Variants in RGS22 observed in about 807,000 individuals in gnomAD.
The protein encoded by RGS22 is regulator of G-protein signaling 22.
A neutral mutation model predicts 172.9 loss-of-function variants in RGS22; 148 were observed. The ratio of observed to expected loss-of-function variants is 0.86; its 90% CI spans 0.75 to 0.98. The LOEUF (loss-of-function observed/expected upper bound fraction) is 0.98. RGS22 is among the 50% of genes least tolerant of loss of function. The pLI is 0.00. For synonymous variants in RGS22, 458 were observed against 480.2 expected, an observed-to-expected ratio of 0.95 and a Z score of 0.60; for missense variants, 1,347 against 1,440.8, an observed-to-expected ratio of 0.93 and a Z score of 1.05.
At chr8:99,971,984 A>G (rs1330147107) in intron 23 of RGS22, among the ~76,000 whole-genome samples, 1 of 152,204 alleles carries the variant, frequency 6.6e-6, no homozygotes, top group Non-Finnish European at 1.5e-5. Flanking sequence ...GCATCACACT[A>G]CCTGACTTCA....
At chr8:100,032,618 G>C (rs895237106) in intron 14 of RGS22, among the ~76,000 whole-genome samples, 1 of 152,016 alleles carries the variant, frequency 6.6e-6, no homozygotes, top group Non-Finnish European at 1.5e-5. Context: ...TGAGACAGAA[G>C]GTTAACAAAG....
intron 2 of RGS22, among the ~76,000 whole-genome samples, chr8:100,101,164 C>T (rs1031363562): frequency 1.3e-5 from 2 of 152,096 alleles, no homozygotes; most frequent in African/African-American, 2.4e-5. Context: ...CTTAAATCTT[C>T]GCTATTAATG....
chr8:100,062,506 G>A (rs1316309364), intron 9 of RGS22, 85 bp downstream of exon 9: 1 of 852,718 alleles, frequency 1.2e-6, no homozygotes, highest in Admixed American at 2.7e-5. Context: ...GTTTCCATAA[G>A]TTATATATCC....
At chr8:100,079,251 T>C (rs1032790751) in intron 4 of RGS22, among the ~76,000 whole-genome samples, 3 of 152,358 alleles carry the variant, frequency 2.0e-5, no homozygotes, top group South Asian at 2.1e-4. Context: ...AGAATATATA[T>C]CCTTGTTCTG....
At chr8:100,091,011 A>T (rs1812534132) in intron 3 of RGS22, among the ~76,000 whole-genome samples, 1 of 152,158 alleles carries the variant, frequency 6.6e-6, no homozygotes, top group Non-Finnish European at 1.5e-5. Context: ...ATACCAGTCT[A>T]TAACTATCCA....
chr8:99,976,454 C>T (rs903440908), intron 23 of RGS22, among the ~76,000 whole-genome samples: 33 of 152,162 alleles, frequency 2.2e-4, no homozygotes, highest in African/African-American at 7.7e-4. Context: ...CTCCGCCTCC[C>T]GGGTTCACGC....
intron 4 of RGS22, among the ~76,000 whole-genome samples, chr8:100,075,839 G>C (rs557970668): frequency 3.3e-5 from 5 of 152,260 alleles, no homozygotes; most frequent in African/African-American, 1.2e-4. Flanking sequence ...TACAATTGCA[G>C]CAGCAGTGTA....
chr8:99,983,629 C>A (rs1356380250), intron 21 of RGS22, among the ~76,000 whole-genome samples: 4 of 152,066 alleles, frequency 2.6e-5, no homozygotes, highest in Non-Finnish European at 5.9e-5. Flanking sequence ...ATGTCCTTTG[C>A]CCAAAATGAG....
At chr8:99,964,269 A>G (rs1326411025) in intron 24 of RGS22, among the ~76,000 whole-genome samples, 1 of 152,126 alleles carries the variant, frequency 6.6e-6, no homozygotes, top group East Asian at 1.9e-4. Flanking sequence ...CCTGGGCAAC[A>G]TGGCGAAACC....
At position 100,063,810 on chromosome 8, in the gene RGS22, T is replaced by C; in HGVS notation, c.958A>G (p.Ile320Val). 1.9e-6 allele frequency: 3 copies of C among 1,609,708 alleles called. No homozygotes were observed. The highest frequency in any genetic ancestry group is 2.2e-5 in the East Asian group (1 of 44,852). Residue 320 changes from isoleucine to valine, a missense_variant, in exon 8 of 28, where the codon ATA (isoleucine) becomes GTA (valine). By Grantham distance (29) the Ile-to-Val change is conservative. Coordinates refer to ENST00000360863, the MANE Select transcript of RGS22 (RefSeq NM_015668.5). Reference protein sequence around the residue: ...STCEEFLSSYIYFILRGAIQQ... With the variant: ...STCEEFLSSYVYFILRGAIQQ... ...ATTGCTCCTCTCAAAATAAAGTATA[T>C]ATAGGAGCTTAAAAATTCTTCACAT...
chr8:100,053,436 G>C (rs1217839042), intron 9 of RGS22, among the ~76,000 whole-genome samples: 1 of 105,458 alleles, frequency 9.5e-6, no homozygotes, highest in African/African-American at 3.5e-5. Context: ...AAGGGAGGAA[G>C]GAAGGAAGGA....
At chr8:99,984,748 T>C (rs1812895718) in intron 21 of RGS22, among the ~76,000 whole-genome samples, 2 of 151,706 alleles carry the variant, frequency 1.3e-5, no homozygotes, top group African/African-American at 4.9e-5. Flanking sequence ...AGGTGCCTAA[T>C]AAATATTTGT....
chr8:100,095,836 T>G (rs57916834), intron 2 of RGS22, among the ~76,000 whole-genome samples: 3,344 of 152,306 alleles, frequency 0.022, 119 homozygotes, highest in African/African-American at 0.076. Context: ...ATCAATTATA[T>G]CTTTTATAAA....
intron 18 of RGS22, among the ~76,000 whole-genome samples, chr8:100,001,203 T>TATATATATATATATACACAC (rs1554611120): frequency 2.3e-4 from 2 of 8,786 alleles, no homozygotes; most frequent in Non-Finnish European, 3.4e-4. Context: ...CCCAATTTTT[T>TATATATATATATATACACAC]ATATATATAT....
At chr8:99,972,975 C>T (rs1002317355) in intron 23 of RGS22, among the ~76,000 whole-genome samples, 1 of 139,800 alleles carries the variant, frequency 7.2e-6, no homozygotes, top group Non-Finnish European at 1.5e-5. Context: ...CAGAGCTTGA[C>T]TCCATCTCAA....
At position 99,999,422 on chromosome 8, in the gene RGS22, T is replaced by C; in HGVS notation, c.2791-2A>G. 1 of 1,610,128 alleles carries C rather than the reference T, an allele frequency of 6.2e-7. No individual in the cohort carries two copies. Among genetic ancestry groups the C allele is most frequent in the Non-Finnish European group, 8.5e-7 (1 of 1,178,706 alleles). Reference sequence around the variant, plus strand: ...CCAGCCACCACTTAAATGCATTACCTAAGAAAATTAAGATGGAAACAGAAA... The same window carrying C: ...CCAGCCACCACTTAAATGCATTACCCAAGAAAATTAAGATGGAAACAGAAA... On this transcript the variant is annotated splice_acceptor_variant, in intron 18 of 27. Transcript: ENST00000360863. LOFTEE classifies it high-confidence loss of function.
At chr8:100,022,215 T>C (rs1817665615) in intron 14 of RGS22, among the ~76,000 whole-genome samples, 1 of 150,254 alleles carries the variant, frequency 6.7e-6, no homozygotes, top group Admixed American at 6.6e-5. Flanking sequence ...GGCAAACTAC[T>C]GCAGAGATCA....
Position 100,040,054 on chromosome 8 carries a change from C to T in RGS22, c.1972G>A (p.Gly658Arg), listed in dbSNP as rs1400242116. ...KTVSDVGALG[G>R]SDMENLLQSL... ...TGCAACAAATTTTCCATGTCAGATC[C>T]TCCCAAGGCACCAACATCTGACACG... is the stretch of plus-strand genomic sequence containing the variant. The change falls in exon 13 of 28, where the codon GGA (glycine) becomes AGA (arginine). Residue 658 changes from glycine (G) to arginine (R), a missense_variant. By Grantham distance (125) the Gly-to-Arg change is moderately radical. Transcript: ENST00000360863. 6.2e-7 allele frequency: 1 copy of T among 1,609,734 alleles called. No individual in the cohort carries two copies. The highest frequency in any genetic ancestry group is 2.2e-5 in the East Asian group (1 of 44,458).
intron 14 of RGS22, among the ~76,000 whole-genome samples, chr8:100,012,234 G>A (rs1816464911): frequency 6.6e-6 from 1 of 152,112 alleles, no homozygotes; most frequent in Admixed American, 6.6e-5. Flanking sequence ...TAGTGATACA[G>A]TAATTTGCAG....
Sources: gnomAD v4.1 joint callset for allele counts (sites outside exome capture counted in the v4.1 genomes callset) on GRCh38, gnomAD v4.1.1 for gene constraint, MANE v1.5 for transcripts, NCBI Gene and HGNC (gene_info 2026-07-23, HGNC 2026-07-21) for gene names.